DLGAP2: variants seen among roughly 807,000 people sequenced by gnomAD.
The protein encoded by DLGAP2 is disks large-associated protein 2.
A neutral mutation model predicts 100.3 loss-of-function variants in DLGAP2; 26 were observed. The observed-to-expected ratio is 0.26, with a 90% confidence interval of 0.19 to 0.36. The LOEUF (loss-of-function observed/expected upper bound fraction) is 0.36. Ranked by LOEUF, DLGAP2 falls within the 10% of genes least tolerant of loss-of-function variation. The pLI, the probability that DLGAP2 is intolerant of heterozygous loss-of-function variation, is 1.00. For missense variants in DLGAP2, 1,858 were observed against 1,453.2 expected, an observed-to-expected ratio of 1.28 and a Z score of -4.53; for synonymous variants, 886 against 630.1, an observed-to-expected ratio of 1.41 and a Z score of -6.08.
chr8:1,378,681 T>C (rs1304785104), intron 3 of DLGAP2, among the ~76,000 whole-genome samples: 5 of 152,248 alleles, frequency 3.3e-5, no homozygotes, highest in Admixed American at 3.3e-4. Context: ...GGGGACAGGC[T>C]CCATCTTCCT....
chr8:1,131,100 T>C (rs917019999), intron 2 of DLGAP2, among the ~76,000 whole-genome samples: 6 of 152,198 alleles, frequency 3.9e-5, no homozygotes, highest in Non-Finnish European at 8.8e-5. Flanking sequence ...TTTTGGGAAA[T>C]ATAAAATGCA....
chr8:1,532,912 T>C (rs80069611), intron 4 of DLGAP2, among the ~76,000 whole-genome samples: 7 of 152,148 alleles, frequency 4.6e-5, no homozygotes, highest in African/African-American at 1.2e-4. Context: ...TGGCTGCCTT[T>C]CCACCTGCCG....
At chr8:1,026,529 CT>C (rs1164218020) in intron 2 of DLGAP2, among the ~76,000 whole-genome samples, 1 of 152,150 alleles carries the variant, frequency 6.6e-6, no homozygotes, top group African/African-American at 2.4e-5. Context: ...TTCTAATTAT[CT>C]TTTTCCTTTT....
At chr8:1,332,426 T>G (rs1801180037) in intron 3 of DLGAP2, among the ~76,000 whole-genome samples, 1 of 152,030 alleles carries the variant, frequency 6.6e-6, no homozygotes, top group Admixed American at 6.6e-5. Context: ...CGTGTGTCAG[T>G]GTATATATGT....
intron 2 of DLGAP2, among the ~76,000 whole-genome samples, chr8:1,206,489 C>T (rs796726338): frequency 3.6e-5 from 5 of 140,142 alleles, no homozygotes; most frequent in South Asian, 2.3e-4. Flanking sequence ...CATCCGTGGG[C>T]GGGGGTAGAC....
At chr8:1,316,464 T>A (rs868704458) in intron 3 of DLGAP2, among the ~76,000 whole-genome samples, 2 of 76,172 alleles carry the variant, frequency 2.6e-5, no homozygotes, top group African/African-American at 1.0e-4. Flanking sequence ...ACTCGGCAGC[T>A]TTTAAAAATA....
At chr8:1,133,374 G>C (rs1220459638) in intron 2 of DLGAP2, among the ~76,000 whole-genome samples, 1 of 152,048 alleles carries the variant, frequency 6.6e-6, no homozygotes, top group African/African-American at 2.4e-5. Context: ...GTAAAACCAG[G>C]AAGTTATCAT....
intron 1 of DLGAP2, among the ~76,000 whole-genome samples, chr8:905,053 C>G (rs2128998228): frequency 6.6e-6 from 1 of 152,252 alleles, no homozygotes; most frequent in African/African-American, 2.4e-5. Flanking sequence ...GGGTAGAATG[C>G]TGTCAACGTT....
chr8:1,322,759 T>G (rs1453461300), intron 3 of DLGAP2, among the ~76,000 whole-genome samples: 1 of 152,222 alleles, frequency 6.6e-6, no homozygotes, highest in Non-Finnish European at 1.5e-5. Context: ...GAAACATAGA[T>G]CAGATCGGCT....
At chr8:1,232,504 C>T (rs570382345) in intron 2 of DLGAP2, among the ~76,000 whole-genome samples, 10 of 152,360 alleles carry the variant, frequency 6.6e-5, no homozygotes, top group Admixed American at 6.5e-4. Context: ...CTCACGTCAA[C>T]TCCTTTCCTC....
chr8:1,532,512 A>G (rs573571816), intron 4 of DLGAP2, among the ~76,000 whole-genome samples: 56 of 152,318 alleles, frequency 3.7e-4, no homozygotes, highest in African/African-American at 1.3e-3. Context: ...ACCTACCCAA[A>G]GGATGGAAAC....
At chr8:1,542,455 G>T (rs73544313) in intron 4 of DLGAP2, among the ~76,000 whole-genome samples, 2,001 of 152,312 alleles carry the variant, frequency 0.013, 33 homozygotes, top group African/African-American at 0.045. Context: ...TTTGAGATCT[G>T]CCTGTTCTGC....
chr8:1,349,982 A>G (rs1007631359), intron 3 of DLGAP2, among the ~76,000 whole-genome samples: 10 of 152,306 alleles, frequency 6.6e-5, no homozygotes, highest in Middle Eastern at 3.4e-3. Context: ...ATTTTTTTTC[A>G]GCAACCAAAA....
At chr8:737,924 G>T (rs986873012) in intron 1 of DLGAP2, 99 bp downstream of exon 1, 12 of 358,514 alleles carry the variant, frequency 3.3e-5, no homozygotes, top group African/African-American at 2.1e-4. Flanking sequence ...GACGCCCCGA[G>T]GGCGTCAGGG....
chr8:1,647,679 C>G (rs1798073811), intron 8 of DLGAP2, among the ~76,000 whole-genome samples: 1 of 152,088 alleles, frequency 6.6e-6, no homozygotes, highest in African/African-American at 2.4e-5. Flanking sequence ...GGTCTGGAAA[C>G]ACCACCCTCC....
intron 2 of DLGAP2, among the ~76,000 whole-genome samples, chr8:1,198,000 G>A (rs140110564): frequency 1.4e-4 from 22 of 152,314 alleles, no homozygotes; most frequent in African/African-American, 4.6e-4. Flanking sequence ...CCTTTGAGGA[G>A]TAGCCTGGGT....
intron 1 of DLGAP2, among the ~76,000 whole-genome samples, chr8:830,885 C>A (rs1479759303): frequency 5.3e-5 from 7 of 131,990 alleles, no homozygotes; most frequent in Non-Finnish European, 1.1e-4. Context: ...TGTAAACATT[C>A]AGCTGTGACT....
rs547044367 is a variant in DLGAP2, at chr8:1,147,879, T to C, written c.74-110972T>C. On this transcript the variant is annotated intron_variant, in intron 2 of 14. Transcript: ENST00000637795. ...TTATAATTTAAAAATTGTTTTAACA[T>C]GTAATATTTGCTAATGTTTTATTTA... is the stretch of plus-strand genomic sequence containing the variant. 2.6e-5 allele frequency among the ~76,000 whole-genome samples: 4 copies of C among 152,350 alleles called. No homozygotes were observed. The South Asian group carries it at 8.3e-4, about 32-fold the overall frequency.
chr8:1,501,416 G>T lies in DLGAP2; in HGVS notation c.157G>T (p.Ala53Ser). The T allele has an allele frequency of 6.5e-7, 1 of 1,535,776 alleles. No homozygotes were observed. Among genetic ancestry groups the T allele is most frequent in the Non-Finnish European group, 8.7e-7 (1 of 1,146,722 alleles). The change falls in exon 4 of 15, where the codon GCA becomes TCA. Residue 53 changes from alanine to serine, a missense_variant. Transcript: ENST00000637795. ...GCCGGGCATCAGCTTTCCGGGGCCG[G>T]CAGAGGAGGATCTAGGTAGAGTACA... ...VQPGISFPGP[A>S]EEDLDPQYSW... is the part of the protein sequence containing the mutation.
Sources: gnomAD v4.1 joint callset for allele counts (sites outside exome capture counted in the v4.1 genomes callset) on GRCh38, gnomAD v4.1.1 for gene constraint, MANE v1.5 for transcripts, NCBI Gene and HGNC (gene_info 2026-07-23, HGNC 2026-07-21) for gene names.